GSTCD: variants seen among roughly 807,000 people sequenced by gnomAD.
The protein encoded by GSTCD is glutathione S-transferase C-terminal domain-containing protein.
In GSTCD, 44 loss-of-function variants were observed where a neutral mutation model predicts 68.3. The ratio of observed to expected loss-of-function variants is 0.64; its 90% CI spans 0.51 to 0.83. GSTCD has a LOEUF of 0.83. Ranked by LOEUF, GSTCD falls within the 40% of genes least tolerant of loss-of-function variation. The probability of loss-of-function intolerance (pLI) is 0.00; values close to 1 mark genes in which losing one functional copy is unlikely to be tolerated. For missense variants in GSTCD, 739 were observed against 735.9 expected (o/e 1.00, Z -0.05); for synonymous variants, 273 against 255.2 (o/e 1.07, Z -0.67).
chr4:105,781,614 A>C lies in GSTCD; in HGVS notation c.1241-41340A>C, dbSNP rs539389906. Among the ~76,000 whole-genome samples the C allele has an allele frequency of 2.0e-5, 3 of 152,242 alleles. No homozygotes were observed. In the South Asian group the frequency reaches 6.2e-4, roughly 32 times the overall value. ...CATGACTCTATTAGCATTCTTAAGA[A>C]GTATTCTACGCAGAACAGAAGTAGA... On this transcript the variant is annotated intron_variant, in intron 5 of 11. Coordinates refer to ENST00000515279, the MANE Select transcript of GSTCD (RefSeq NM_001370181.1).
chr4:105,797,340 G>C (rs1336433485), intron 5 of GSTCD, among the ~76,000 whole-genome samples: 1 of 151,974 alleles, frequency 6.6e-6, no homozygotes, highest in African/African-American at 2.4e-5. Flanking sequence ...CGATATTGCA[G>C]GTTCAGTTCC....
chr4:105,713,019 A>G (rs1182911221), intron 1 of GSTCD, among the ~76,000 whole-genome samples: 2 of 152,286 alleles, frequency 1.3e-5, no homozygotes, highest in South Asian at 2.1e-4. Flanking sequence ...TGCCCCATTA[A>G]TGAGTCAGGA....
intron 5 of GSTCD, among the ~76,000 whole-genome samples, chr4:105,772,904 G>A (rs931870453): frequency 1.3e-5 from 2 of 152,030 alleles, no homozygotes; most frequent in African/African-American, 4.8e-5. Context: ...CTCTTTTTCT[G>A]TTGTTTGCAA....
At chr4:105,710,232 A>ATTTATTTTAT (rs1732479869) in intron 1 of GSTCD, among the ~76,000 whole-genome samples, 1 of 85,722 alleles carries the variant, frequency 1.2e-5, no homozygotes, top group Non-Finnish European at 2.0e-5. Context: ...GGGCCCATCA[A>ATTTATTTTAT]TTTTTTTTTT....
intron 3 of GSTCD, among the ~76,000 whole-genome samples, chr4:105,720,181 C>G (rs1732817390): frequency 6.6e-6 from 1 of 152,184 alleles, no homozygotes; most frequent in Non-Finnish European, 1.5e-5. Context: ...GTCTTACATA[C>G]ACACACTCAC....
intron 5 of GSTCD, among the ~76,000 whole-genome samples, chr4:105,808,363 C>G (rs1168384416): frequency 6.6e-6 from 1 of 152,058 alleles, no homozygotes; most frequent in Non-Finnish European, 1.5e-5. Flanking sequence ...ATTTTACTCT[C>G]TACATCAGTC....
intron 5 of GSTCD, among the ~76,000 whole-genome samples, chr4:105,790,259 G>A (rs112819759): frequency 0.032 from 4,907 of 152,130 alleles, 125 homozygotes; most frequent in Non-Finnish European, 0.051. Context: ...TTAAGAAAAT[G>A]ATAGATATGG....
At chr4:105,721,650 T>C (rs911475579) in intron 3 of GSTCD, among the ~76,000 whole-genome samples, 1 of 152,072 alleles carries the variant, frequency 6.6e-6, no homozygotes, top group Non-Finnish European at 1.5e-5. Context: ...GGTGTTTTTT[T>C]TGTTTTTTTT....
In GSTCD at chr4:105,719,691, A is replaced by T. The variant is rs1285726820; in HGVS notation, c.894+164A>T. The T allele has an allele frequency of 1.2e-5, 7 of 586,778 alleles. No individual in the cohort carries two copies. In the East Asian group the frequency reaches 2.0e-4, roughly 17 times the overall value. The allele number at this position is 586,778 out of a possible 1,614,324, so 36.3% of individuals were successfully genotyped here. A position where few individuals can be genotyped will look rare whatever the true frequency, so the allele number is the denominator to read the frequency against. On this transcript the variant is annotated intron_variant, in intron 3 of 11. Coordinates refer to ENST00000515279, the MANE Select transcript of GSTCD (RefSeq NM_001370181.1). Reference sequence around the variant, plus strand: ...TAAAATGGTGATAATAATAGTACCTATCTAAAAGGAAAAATGTAAGGAACA... The same window carrying T: ...TAAAATGGTGATAATAATAGTACCTTTCTAAAAGGAAAAATGTAAGGAACA...
chr4:105,711,030 A>G (rs774565820), intron 1 of GSTCD: 1 of 152,134 alleles, frequency 6.6e-6, no homozygotes, highest in Non-Finnish European at 1.5e-5. Flanking sequence ...TTTTGACCCT[A>G]AATATTTAAG....
At chr4:105,710,844 A>G (rs1732514195) in intron 1 of GSTCD, 1 of 152,222 alleles carries the variant, frequency 6.6e-6, no homozygotes. Flanking sequence ...GAGAGATTAC[A>G]CACTTCGTTT....
In GSTCD at chr4:105,758,728, G is replaced by C. The variant is rs114188656; in HGVS notation, c.1240+29229G>C. Among the ~76,000 whole-genome samples the C allele has an allele frequency of 8.8e-3, 1,335 of 152,206 alleles. 20 individuals are homozygous for C. Among genetic ancestry groups the C allele is most frequent in the African/African-American group, 0.031 (1,284 of 41,526 alleles). Reference sequence around the variant, plus strand: ...TAGGGTTAAAGGATGTGAAATTTTTGCTACTAATATTACATATTGCTAAAC... The same window carrying C: ...TAGGGTTAAAGGATGTGAAATTTTTCCTACTAATATTACATATTGCTAAAC... On this transcript the variant is annotated intron_variant, in intron 5 of 11. Transcript: ENST00000515279.
chr4:105,801,551 G>T, intron 5 of GSTCD, among the ~76,000 whole-genome samples: 1 of 151,940 alleles, frequency 6.6e-6, no homozygotes, highest in East Asian at 1.9e-4. Context: ...TTAAAATTAT[G>T]ATTTAATTTG....
chr4:105,781,112 G>A (rs1455048396), intron 5 of GSTCD, among the ~76,000 whole-genome samples: 1 of 152,080 alleles, frequency 6.6e-6, no homozygotes, highest in Admixed American at 6.5e-5. Context: ...ACAGTGCCTG[G>A]CTTTACTTTC....
At chr4:105,719,902 A>G (rs754067041) in intron 3 of GSTCD, among the ~76,000 whole-genome samples, 23 of 152,160 alleles carry the variant, frequency 1.5e-4, no homozygotes, top group Non-Finnish European at 2.8e-4. Context: ...CTGTGGTGCA[A>G]TGGATACTCC....
intron 8 of GSTCD, among the ~76,000 whole-genome samples, chr4:105,829,129 TCTC>T (rs1249804388): frequency 3.3e-5 from 5 of 151,146 alleles, no homozygotes; most frequent in African/African-American, 1.2e-4. Flanking sequence ...AAAAGATTCT[TCTC>T]TGTAGAAGCA....
At chr4:105,789,919 T>C (rs1383157788) in intron 5 of GSTCD, among the ~76,000 whole-genome samples, 2 of 151,700 alleles carry the variant, frequency 1.3e-5, no homozygotes, top group African/African-American at 4.9e-5. Flanking sequence ...TTCTTTTGAA[T>C]TTTCTCTAGT....
intron 5 of GSTCD, among the ~76,000 whole-genome samples, chr4:105,757,611 A>T (rs1385278976): frequency 6.6e-6 from 1 of 152,142 alleles, no homozygotes; most frequent in Admixed American, 6.6e-5. Flanking sequence ...ATCCTTTCTC[A>T]TATAGCTTGT....
chr4:105,812,595 T>C (rs966497617), intron 5 of GSTCD, among the ~76,000 whole-genome samples: 6 of 152,140 alleles, frequency 3.9e-5, no homozygotes, highest in Admixed American at 1.3e-4. Context: ...CTGAATTAGG[T>C]TGTGGCCAAA....
Sources: gnomAD v4.1 joint callset for allele counts (sites outside exome capture counted in the v4.1 genomes callset) on GRCh38, gnomAD v4.1.1 for gene constraint, MANE v1.5 for transcripts, NCBI Gene and HGNC (gene_info 2026-07-23, HGNC 2026-07-21) for gene names.